Variants in STK3 observed in about 807,000 individuals in gnomAD.
STK3 encodes the protein serine/threonine kinase 3.
Under a neutral mutation model 58.0 loss-of-function variants are expected in STK3, and 41 were observed. The observed-to-expected ratio is 0.71, with a 90% CI of 0.55 to 0.92. The LOEUF (loss-of-function observed/expected upper bound fraction) is 0.92, where lower values mean the gene tolerates loss of function less well. Among genes scored for constraint, STK3 ranks in the 40% least tolerant of loss-of-function variants. STK3 has a pLI of 0.00. For synonymous variants in STK3, 170 were observed against 191.0 expected, an observed-to-expected ratio of 0.89 and a Z score of 0.91; for missense variants, 479 against 602.7, an observed-to-expected ratio of 0.79 and a Z score of 2.15.
intron 4 of STK3, among the ~76,000 whole-genome samples, chr8:98,742,108 G>A (rs1829265680): frequency 6.6e-6 from 1 of 151,288 alleles, no homozygotes; most frequent in African/African-American, 2.4e-5. Context: ...CAACCAAAAA[G>A]AGTCCAGGAC....
At chr8:98,524,227 A>G (rs1825588199) in intron 10 of STK3, among the ~76,000 whole-genome samples, 1 of 152,244 alleles carries the variant, frequency 6.6e-6, no homozygotes, top group South Asian at 2.1e-4. Context: ...TCTTTCTGAC[A>G]GTACCACACT....
chr8:98,396,294 A>G (rs1211934310), intron 3 of STK3, among the ~76,000 whole-genome samples: 9 of 152,250 alleles, frequency 5.9e-5, no homozygotes, highest in Non-Finnish European at 1.3e-4. Context: ...TGTATATCCA[A>G]AATAATACAG....
At chr8:98,925,874 G>C (rs1362794546) in intron 1 of STK3, among the ~76,000 whole-genome samples, 2 of 152,178 alleles carry the variant, frequency 1.3e-5, no homozygotes, top group African/African-American at 4.8e-5. Flanking sequence ...GGAAACCCTT[G>C]TTTGCCCTAG....
chr8:98,346,475 A>G, the STK3 span, among the ~76,000 whole-genome samples: 4 of 151,954 alleles, frequency 2.6e-5, no homozygotes, highest in African/African-American at 9.7e-5. Flanking sequence ...AAGAAGCTCA[A>G]TGAACACCAA....
At position 98,652,756 on chromosome 8, in the gene STK3, G is replaced by T. The variant is rs866114715; in HGVS notation, c.684+53711C>A. ...AAGAAGGCCATTACATAATGGTAAA[G>T]GGATCAATTCAACAAGAAGAGCTAA... On this transcript the variant is annotated intron_variant, in intron 6 of 10. Transcript: ENST00000419617. Among the ~76,000 whole-genome samples, 15 of 149,884 alleles carry T rather than the reference G, an allele frequency of 1.0e-4. No individual in the cohort carries two copies. In the Middle Eastern group the frequency reaches 0.014, roughly 137 times the overall value.
intron 3 of STK3, among the ~76,000 whole-genome samples, chr8:98,864,351 T>C (rs1292047624): frequency 6.6e-6 from 1 of 151,852 alleles, no homozygotes; most frequent in Admixed American, 6.6e-5. Context: ...AAGCACACCA[T>C]GGGGATGGTG....
chr8:98,695,880 G>C (rs1304261210), intron 6 of STK3, among the ~76,000 whole-genome samples: 1 of 152,136 alleles, frequency 6.6e-6, no homozygotes, highest in Non-Finnish European at 1.5e-5. Context: ...CTTTAAAATA[G>C]TTTTTTCCAA....
chr8:98,706,944 TA>T (rs1826012399), intron 5 of STK3, among the ~76,000 whole-genome samples: 1 of 152,204 alleles, frequency 6.6e-6, no homozygotes, highest in Non-Finnish European at 1.5e-5. Flanking sequence ...GCATTTTGAT[TA>T]TAAGATATAT....
intron 6 of STK3, among the ~76,000 whole-genome samples, chr8:98,618,877 A>T (rs375487438): frequency 6.7e-6 from 1 of 149,838 alleles, no homozygotes; most frequent in African/African-American, 2.5e-5. Context: ...ATCGTGAAAA[A>T]GGCCATACTG....
intron 3 of STK3, among the ~76,000 whole-genome samples, chr8:98,406,519 G>A (rs1222306318): frequency 6.6e-6 from 1 of 152,056 alleles, no homozygotes; most frequent in South Asian, 2.1e-4. Flanking sequence ...ACATTGTAAT[G>A]TCTAGCTAGC....
chr8:98,500,980 G>A (rs1219447894), intron 10 of STK3, among the ~76,000 whole-genome samples: 4 of 152,058 alleles, frequency 2.6e-5, no homozygotes, highest in African/African-American at 4.8e-5. Context: ...TTGAGGAATC[G>A]CCACACTGTC....
chr8:98,931,735 G>C (rs929480130), intron 1 of STK3, among the ~76,000 whole-genome samples: 1 of 152,134 alleles, frequency 6.6e-6, no homozygotes, highest in African/African-American at 2.4e-5. Context: ...CAATCATGCT[G>C]TACTAGATGA....
At chr8:98,444,177 G>A (rs1818833642) in intron 1 of STK3, among the ~76,000 whole-genome samples, 1 of 152,192 alleles carries the variant, frequency 6.6e-6, no homozygotes, top group South Asian at 2.1e-4. Flanking sequence ...AGAAAGTGCG[G>A]TGACAGTGAT....
At chr8:98,464,709 A>G (rs999431341) in intron 10 of STK3, among the ~76,000 whole-genome samples, 2 of 152,138 alleles carry the variant, frequency 1.3e-5, no homozygotes, top group African/African-American at 4.8e-5. Flanking sequence ...AGAAAACCCT[A>G]CATATACATT....
chr8:98,828,760 G>A (rs554449805), upstream of STK3, among the ~76,000 whole-genome samples: 1 of 152,208 alleles, frequency 6.6e-6, no homozygotes, highest in Non-Finnish European at 1.5e-5. Flanking sequence ...CATTTAAGTT[G>A]TGATAGAGAT....
chr8:98,640,406 G>A (rs1819933636), intron 6 of STK3, among the ~76,000 whole-genome samples: 1 of 151,860 alleles, frequency 6.6e-6, no homozygotes, highest in African/African-American at 2.4e-5. Context: ...AAAACTTCAA[G>A]GAAGAATATA....
chr8:98,497,985 T>C (rs372356917), intron 10 of STK3, among the ~76,000 whole-genome samples: 16 of 152,268 alleles, frequency 1.1e-4, no homozygotes, highest in African/African-American at 3.8e-4. Context: ...TGTACAAAAT[T>C]GTTCACAACA....
intron 6 of STK3, among the ~76,000 whole-genome samples, chr8:98,599,076 T>C (rs949032588): frequency 6.6e-6 from 1 of 152,166 alleles, no homozygotes; most frequent in Non-Finnish European, 1.5e-5. Context: ...AGTCTGTGAA[T>C]GTATAGAAGT....
the STK3 span, among the ~76,000 whole-genome samples, chr8:98,356,558 C>T: frequency 6.6e-5 from 10 of 152,274 alleles, no homozygotes; most frequent in East Asian, 1.9e-3. Flanking sequence ...AAGCCGAAAG[C>T]CAGGGGGGCT....
Sources: allele counts gnomAD v4.1 joint callset (sites outside exome capture counted in the v4.1 genomes callset), GRCh38; gene constraint gnomAD v4.1.1; transcripts MANE v1.5; gene names NCBI Gene and HGNC (gene_info 2026-07-23, HGNC 2026-07-21).